Variants in ANKDD1A observed in about 807,000 individuals in gnomAD.
The protein encoded by ANKDD1A is ankyrin repeat and death domain containing 1A.
ANKDD1A carries 59 observed loss-of-function variants against 63.5 expected under a neutral mutation model. The ratio of observed to expected loss-of-function variants is 0.93; its 90% CI spans 0.75 to 1.15. The LOEUF is 1.15. Ranked by LOEUF, ANKDD1A falls within the 50% of genes most tolerant of loss-of-function variation. ANKDD1A has a pLI of 0.00. For synonymous variants in ANKDD1A, 266 were observed against 263.9 expected (o/e 1.01, Z -0.08); for missense variants, 632 against 656.4 (o/e 0.96, Z 0.41).
intron 13 of ANKDD1A, among the ~76,000 whole-genome samples, chr15:64,948,523 T>C (rs557186361): frequency 1.3e-5 from 2 of 152,044 alleles, no homozygotes; most frequent in East Asian, 3.9e-4. Context: ...CAAAATAAAA[T>C]TAACATAAAG....
At chr15:64,944,831 C>G in intron 12 of ANKDD1A, 84 bp downstream of exon 12, 1 of 1,344,116 alleles carries the variant, frequency 7.4e-7, no homozygotes, top group Middle Eastern at 2.0e-4. Flanking sequence ...AACCCTAGGC[C>G]TGACCAATTC....
At position 64,925,976 on chromosome 15, in the gene ANKDD1A, G is replaced by T. The variant is rs1226853905; in HGVS notation, c.367-90G>T. 3 of 1,186,844 alleles carry T rather than the reference G, an allele frequency of 2.5e-6. No homozygotes were observed. In the East Asian group the frequency reaches 7.8e-5, roughly 31 times the overall value. The allele number at this position is 1,186,844 out of a possible 1,614,324, so 73.5% of individuals were successfully genotyped here. ...TATCCATGGGGAGGCTGTGTTCTGGGTCCCAAACACTCGCTGTTTGGGAGA... is the reference window on the plus strand; with the variant it reads ...TATCCATGGGGAGGCTGTGTTCTGGTTCCCAAACACTCGCTGTTTGGGAGA... On this transcript the variant is annotated intron_variant, in intron 4 of 14. Coordinates refer to ENST00000319580, the MANE Select transcript of ANKDD1A (RefSeq NM_182703.6).
intron 3 of ANKDD1A, among the ~76,000 whole-genome samples, chr15:64,918,386 T>TG (rs779944236): frequency 6.6e-6 from 1 of 152,218 alleles, no homozygotes; most frequent in Non-Finnish European, 1.5e-5. Flanking sequence ...GATTACTAGT[T>TG]GGGGTTGAGG....
intron 14 of ANKDD1A, 24 bp downstream of exon 14, chr15:64,949,996 G>A (rs535664803): frequency 1.9e-6 from 3 of 1,602,870 alleles, no homozygotes; most frequent in South Asian, 2.2e-5. Context: ...CTGCTGGGCT[G>A]CTTCTCAGGA....
chr15:64,947,547 G>C lies in ANKDD1A; in HGVS notation c.1305G>C (p.Trp435Cys), dbSNP rs775126249. The C allele has an allele frequency of 3.1e-6, 5 of 1,614,026 alleles. No individual in the cohort carries two copies. In the African/African-American group the frequency reaches 6.7e-5, roughly 22 times the overall value. The part of the protein sequence containing the change: ...PREWKKLAYS[W>C]EFTEAHVDAI... ...AGTGGAAGAAGCTGGCATATTCCTG[G>C]GAGTTCACGGAGGCACATGTCGACG... is the stretch of plus-strand genomic sequence containing the variant. The change falls in exon 13 of 15, where the codon TGG becomes TGC. Residue 435 changes from tryptophan to cysteine, a missense_variant. Transcript: ENST00000319580.
chr15:64,950,033 C>A, intron 14 of ANKDD1A, 61 bp downstream of exon 14: 1 of 1,587,740 alleles, frequency 6.3e-7, no homozygotes, highest in Admixed American at 1.7e-5. Context: ...TGGAATGCAG[C>A]AGGGCCCTCC....
chr15:64,952,651 CCTTCTTCTTCCCCTTCTT>C (rs2085315971), intron 14 of ANKDD1A, among the ~76,000 whole-genome samples: 1 of 7,002 alleles, frequency 1.4e-4, no homozygotes, highest in Admixed American at 2.9e-3. Context: ...TTCTCCTTCT[CCTTCTTCTTCCCCTTCTT>C]CCTTCTTCTT....
intron 14 of ANKDD1A, among the ~76,000 whole-genome samples, chr15:64,953,781 C>CTCT (rs2085359056): frequency 7.1e-6 from 1 of 140,222 alleles, no homozygotes; most frequent in Non-Finnish European, 1.5e-5. Flanking sequence ...TCCCTCTTTT[C>CTCT]TTTCTTCTGC....
chr15:64,936,748 G>T (rs541344418), intron 9 of ANKDD1A, among the ~76,000 whole-genome samples: 5 of 152,190 alleles, frequency 3.3e-5, no homozygotes, highest in Non-Finnish European at 5.9e-5. Flanking sequence ...GGGGGCTGAA[G>T]TTGAAGGATC....
At chr15:64,954,303 C>CT (rs2085379744) in intron 14 of ANKDD1A, among the ~76,000 whole-genome samples, 4 of 23,316 alleles carry the variant, frequency 1.7e-4, no homozygotes, top group Non-Finnish European at 1.6e-3. Context: ...TCCTTTTCTT[C>CT]TCCTTCTCTT....
In ANKDD1A at chr15:64,915,853, A is replaced by G; in HGVS notation, c.91A>G (p.Met31Val). 6.2e-7 allele frequency: 1 copy of G among 1,614,102 alleles called. No individual in the cohort carries two copies. The highest frequency in any genetic ancestry group is 8.5e-7 in the Non-Finnish European group (1 of 1,179,984). Residue 31 changes from methionine to valine, a missense_variant, in exon 2 of 15, where the codon ATG becomes GTG. Physicochemically the swap from Met to Val is conservative, Grantham distance 21. Coordinates refer to ENST00000319580, the MANE Select transcript of ANKDD1A (RefSeq NM_182703.6). ...CGCCCGCCAGAACAATGTCGGCAGGATGCAGGAGCTGATTGGGAGGAGGGT... is the reference window on the plus strand; with the variant it reads ...CGCCCGCCAGAACAATGTCGGCAGGGTGCAGGAGCTGATTGGGAGGAGGGT... ...EAARQNNVGRMQELIGRRVNT... is the reference protein window; with the variant it reads ...EAARQNNVGRVQELIGRRVNT...
chr15:64,945,607 C>CTTATATATATATATATAT lies in ANKDD1A; in HGVS notation c.1161+860_1161+861insTTATATATATATATATAT, dbSNP rs1277861527. ...TTAGAGGGATTAAATGCATTTTCAA[C>CTTATATATATATATATAT]ATATATATATATATATATATATATG... is the stretch of plus-strand genomic sequence containing the variant. On this transcript the variant is annotated intron_variant, in intron 12 of 14. Transcript: ENST00000319580. Among the ~76,000 whole-genome samples, 232 of 73,842 alleles carry CTTATATATATATATATAT rather than the reference C, an allele frequency of 3.1e-3. 17 individuals are homozygous for CTTATATATATATATATAT. Among genetic ancestry groups the CTTATATATATATATATAT allele is most frequent in the African/African-American group, 0.014 (229 of 16,182 alleles). The allele number at this position is 73,842 out of a possible 152,430, so 48.4% of individuals were successfully genotyped here.
At chr15:64,912,080 G>T in intron 1 of ANKDD1A, 116 bp downstream of exon 1, 1 of 1,053,318 alleles carries the variant, frequency 9.5e-7, no homozygotes, top group Non-Finnish European at 1.2e-6. Flanking sequence ...TCCGTGTGGG[G>T]CGTCTGTGTG....
chr15:64,939,055 T>C (rs777454501), intron 9 of ANKDD1A, among the ~76,000 whole-genome samples: 16 of 152,284 alleles, frequency 1.1e-4, no homozygotes, highest in East Asian at 1.9e-4. Context: ...CTAATTAAGA[T>C]GTTAGCAGTA....
chr15:64,945,343 T>C lies in ANKDD1A; in HGVS notation c.1161+596T>C, dbSNP rs966226859. Among the ~76,000 whole-genome samples, 3 of 152,090 alleles carry C rather than the reference T, an allele frequency of 2.0e-5. No homozygotes were observed. In the East Asian group the frequency reaches 5.8e-4, roughly 29 times the overall value. ...TCCCCGATTACAATGGTTCAGCTTA[T>C]GATTTTTCTACTTTATGATGGCACA... On this transcript the variant is annotated intron_variant, in intron 12 of 14. Transcript: ENST00000319580.
At chr15:64,925,756 G>A (rs1365089271) in intron 4 of ANKDD1A, among the ~76,000 whole-genome samples, 4 of 152,164 alleles carry the variant, frequency 2.6e-5, no homozygotes, top group Non-Finnish European at 5.9e-5. Flanking sequence ...AAGTGGTCGG[G>A]GATTATGATG....
At chr15:64,952,648 T>TCTTTCTTCTTCCTTCTCCTCCTC (rs587634921) in intron 14 of ANKDD1A, among the ~76,000 whole-genome samples, 1 of 141,768 alleles carries the variant, frequency 7.1e-6, no homozygotes, top group Non-Finnish European at 1.5e-5. Context: ...TTCTTCTCCT[T>TCTTTCTTCTTCCTTCTCCTCCTC]CTCCTTCTTC....
rs922734417 is a variant in ANKDD1A at position 64,943,542 on chromosome 15, T to C, written c.1025T>C (p.Met342Thr). ...CACGCCTGGCAGGACATAGCAGATA[T>C]GCTCCTCATTGCTGGGGTTGACTTA... ...AEHAWQDIAD[M>T]LLIAGVDLNL... The change falls in exon 11 of 15, where the codon ATG becomes ACG. Residue 342 changes from methionine (M) to threonine (T), a missense_variant. Transcript: ENST00000319580. The C allele has an allele frequency of 3.1e-6, 5 of 1,614,096 alleles. No homozygotes were observed. The African/African-American group carries it at 6.7e-5, about 22-fold the overall frequency.
chr15:64,956,410 A>G (rs770858617), intron 14 of ANKDD1A, among the ~76,000 whole-genome samples: 3 of 152,048 alleles, frequency 2.0e-5, no homozygotes, highest in Non-Finnish European at 4.4e-5. Context: ...TTAGCCAGGC[A>G]TGGTGGCGGG....
Sources: gnomAD v4.1 joint callset for allele counts (sites outside exome capture counted in the v4.1 genomes callset) on GRCh38, gnomAD v4.1.1 for gene constraint, MANE v1.5 for transcripts, NCBI Gene and HGNC (gene_info 2026-07-23, HGNC 2026-07-21) for gene names.